The following MS4A5 variants were observed in gnomAD, a reference collection of about 807,000 sequenced individuals.
MS4A5 encodes membrane-spanning 4-domains subfamily A member 5.
A neutral mutation model predicts 18.2 loss-of-function variants in MS4A5; 15 were observed. That is an observed-to-expected ratio of 0.83 (90% CI 0.55 to 1.27). The LOEUF is 1.27. MS4A5 is among the 50% of genes most tolerant of loss of function. The probability of loss-of-function intolerance (pLI) is 0.00; values close to 1 mark genes in which losing one functional copy is unlikely to be tolerated. For synonymous variants in MS4A5, 89 were observed against 78.7 expected, an observed-to-expected ratio of 1.13 and a Z score of -0.69; for missense variants, 232 against 225.7, an observed-to-expected ratio of 1.03 and a Z score of -0.18.
intron 1 of MS4A5, 124 bp from the exon 2 acceptor site, chr11:60,430,672 T>A (rs1464447713): frequency 9.2e-7 from 1 of 1,089,296 alleles, no homozygotes; most frequent in Non-Finnish European, 1.3e-6. Flanking sequence ...GGACTTCTAT[T>A]ATTCTTCCCC....
At chr11:60,431,221 C>T (rs2086046961) in intron 2 of MS4A5, among the ~76,000 whole-genome samples, 1 of 152,112 alleles carries the variant, frequency 6.6e-6, no homozygotes, top group South Asian at 2.1e-4. Flanking sequence ...AGGCAATGGG[C>T]CTCTCCCCCA....
intron 4 of MS4A5, among the ~76,000 whole-genome samples, chr11:60,445,577 A>G (rs1349348118): frequency 6.6e-6 from 1 of 152,206 alleles, no homozygotes; most frequent in Non-Finnish European, 1.5e-5. Flanking sequence ...ACTTCTTTAT[A>G]TATAAACTTT....
At chr11:60,432,051 T>C (rs1283134019) in intron 2 of MS4A5, among the ~76,000 whole-genome samples, 1 of 152,144 alleles carries the variant, frequency 6.6e-6, no homozygotes, top group Non-Finnish European at 1.5e-5. Flanking sequence ...TGGATTGCAG[T>C]AAGATGGAAT....
chr11:60,434,562 A>G (rs2086068588), intron 4 of MS4A5, among the ~76,000 whole-genome samples: 1 of 152,242 alleles, frequency 6.6e-6, no homozygotes, highest in South Asian at 2.1e-4. Context: ...AGGACTAAAG[A>G]GCAGAAAATA....
chr11:60,434,219 T>G (rs536083596), intron 4 of MS4A5, among the ~76,000 whole-genome samples: 2 of 152,332 alleles, frequency 1.3e-5, no homozygotes, highest in East Asian at 3.9e-4. Context: ...CTGTAGTTTA[T>G]AGCCCTATAT....
At chr11:60,433,948 T>C (rs773779931) in intron 4 of MS4A5, 31 bp downstream of exon 4, 2 of 1,589,748 alleles carry the variant, frequency 1.3e-6, no homozygotes, top group Non-Finnish European at 1.7e-6. Context: ...GAGTGATGAG[T>C]AAAGGGCTTA....
chr11:60,430,743 A>G, intron 1 of MS4A5, 53 bp from the exon 2 acceptor site: 3 of 1,595,248 alleles, frequency 1.9e-6, no homozygotes, highest in South Asian at 1.1e-5. Flanking sequence ...TCTAAACAGA[A>G]GGGAAACTAT....
intron 1 of MS4A5, among the ~76,000 whole-genome samples, chr11:60,430,139 C>T (rs77514815): frequency 0.019 from 2,916 of 152,244 alleles, 82 homozygotes; most frequent in African/African-American, 0.06. Context: ...TAGACTCACA[C>T]GTTTTTGTAT....
chr11:60,441,270 A>G lies in MS4A5; in HGVS notation c.493-6379A>G, dbSNP rs2086110009. Among the ~76,000 whole-genome samples, 2 of 133,112 alleles carry G rather than the reference A, an allele frequency of 1.5e-5. 1 individual carries two copies. Among genetic ancestry groups the G allele is most frequent in the South Asian group, 5.2e-4 (2 of 3,872 alleles). The allele number at this position is 133,112 out of a possible 152,430, so 87.3% of individuals were successfully genotyped here. ...GGAAGGGGAATATCACACTCTGGGAACTGTTATGGGGTGGAGGGAGGGGGG... is the reference window on the plus strand; with the variant it reads ...GGAAGGGGAATATCACACTCTGGGAGCTGTTATGGGGTGGAGGGAGGGGGG... On this transcript the variant is annotated intron_variant, in intron 4 of 4. Transcript: ENST00000300190.
chr11:60,441,933 A>G (rs1312573225), intron 4 of MS4A5, among the ~76,000 whole-genome samples: 1 of 152,220 alleles, frequency 6.6e-6, no homozygotes, highest in Non-Finnish European at 1.5e-5. Context: ...GAGAAATATT[A>G]CATTTCTAGG....
chr11:60,441,406 T>G (rs796188122), intron 4 of MS4A5, among the ~76,000 whole-genome samples: 15,476 of 86,886 alleles, frequency 0.18, 1,404 homozygotes, highest in Admixed American at 0.23. Context: ...TGTGCACATG[T>G]ACCCTAAAAC....
At chr11:60,431,062 C>G in intron 2 of MS4A5, 138 bp downstream of exon 2, 1 of 870,828 alleles carries the variant, frequency 1.1e-6, no homozygotes, top group Non-Finnish European at 1.7e-6. Flanking sequence ...GAAATTATTT[C>G]CCCATTAGTT....
In MS4A5 at chr11:60,447,647, A is replaced by G. The variant is rs1005452095; in HGVS notation, c.493-2A>G. 7 of 1,522,032 alleles carry G rather than the reference A, an allele frequency of 4.6e-6. No homozygotes were observed. The South Asian group carries it at 7.3e-5, about 16-fold the overall frequency. The allele number at this position is 1,522,032 out of a possible 1,614,324, so 94.3% of individuals were successfully genotyped here. A position where few individuals can be genotyped will look rare whatever the true frequency, so the allele number is the denominator to read the frequency against. On this transcript the variant is annotated splice_acceptor_variant, in intron 4 of 4. Transcript: ENST00000300190. LOFTEE classifies it high-confidence loss of function. Reference sequence around the variant, plus strand: ...TTTTTTTTTCTTCTTCTTCTATTACAGGGAATTTTGATTACATTGATGACT... The same window carrying G: ...TTTTTTTTTCTTCTTCTTCTATTACGGGGAATTTTGATTACATTGATGACT...
intron 3 of MS4A5, 76 bp from the exon 4 acceptor site, chr11:60,433,689 A>G (rs2086063526): frequency 5.6e-6 from 8 of 1,431,992 alleles, no homozygotes; most frequent in African/African-American, 1.4e-5. Flanking sequence ...CCTGCTCTCC[A>G]TTCTCCGCAC....
intron 4 of MS4A5, among the ~76,000 whole-genome samples, chr11:60,437,620 A>T (rs2135175161): frequency 6.6e-6 from 1 of 151,264 alleles, no homozygotes; most frequent in East Asian, 1.9e-4. Flanking sequence ...AGGGGTTGCA[A>T]TCCTAGTCTC....
chr11:60,436,323 G>T lies in MS4A5; in HGVS notation c.492+2406G>T, dbSNP rs1170372417. ...AAGTAGATAAAACCACAAAGATGGGGAAAAAACAGAACAGAAAAACTGGAA... is the reference window on the plus strand; with the variant it reads ...AAGTAGATAAAACCACAAAGATGGGTAAAAAACAGAACAGAAAAACTGGAA... On this transcript the variant is annotated intron_variant, in intron 4 of 4. Transcript: ENST00000300190. Among the ~76,000 whole-genome samples, 31 of 140,922 alleles carry T rather than the reference G, an allele frequency of 2.2e-4. 1 individual carries two copies. The highest frequency in any genetic ancestry group is 4.0e-4 in the Non-Finnish European group (25 of 62,044). 92.5% of individuals were successfully genotyped at this position (140,922 alleles called of 152,430 possible).
rs547533470 is a variant in MS4A5 at position 60,442,510 on chromosome 11, AG to A, written c.493-5136del. On this transcript the variant is annotated intron_variant, in intron 4 of 4. Coordinates refer to ENST00000300190, the MANE Select transcript of MS4A5 (RefSeq NM_023945.3). ...TGTTGGGGGGTAGTGGGACAAGGGGAGGGAGAGCTTTAGAACAAATACCTAA... is the reference window on the plus strand; with the variant it reads ...TGTTGGGGGGTAGTGGGACAAGGGGAGGAGAGCTTTAGAACAAATACCTAA... Among the ~76,000 whole-genome samples the A allele has an allele frequency of 1.6e-3, 251 of 152,272 alleles. 3 individuals carry two copies. In the South Asian group the frequency reaches 0.036, roughly 22 times the overall value.
intron 4 of MS4A5, among the ~76,000 whole-genome samples, chr11:60,437,463 T>A (rs1363544022): frequency 3.4e-5 from 5 of 148,156 alleles, no homozygotes; most frequent in Admixed American, 1.4e-4. Context: ...CTCCAATTAA[T>A]AGACACAGAC....
intron 4 of MS4A5, among the ~76,000 whole-genome samples, chr11:60,438,558 T>A (rs1216989877): frequency 6.6e-6 from 1 of 151,084 alleles, no homozygotes; most frequent in East Asian, 2.0e-4. Flanking sequence ...GAGAGAAGAA[T>A]CAAATAGACG....
Sources: allele counts gnomAD v4.1 joint callset (sites outside exome capture counted in the v4.1 genomes callset), GRCh38; gene constraint gnomAD v4.1.1; transcripts MANE v1.5; gene names NCBI Gene and HGNC (gene_info 2026-07-23, HGNC 2026-07-21).